The following IL1RAPL2 variants were observed in gnomAD, a reference collection of about 807,000 sequenced individuals.
IL1RAPL2 encodes X-linked interleukin-1 receptor accessory protein-like 2.
In IL1RAPL2, 3 loss-of-function variants were observed where a neutral mutation model predicts 44.1. The observed-to-expected ratio is 0.07, with a 90% CI of 0.03 to 0.18. IL1RAPL2 has a LOEUF of 0.18. IL1RAPL2 is among the 10% of genes least tolerant of loss of function. IL1RAPL2 has a pLI of 1.00. For missense variants in IL1RAPL2, 391 were observed against 496.4 expected (o/e 0.79, Z 2.02); for synonymous variants, 181 against 178.8 (o/e 1.01, Z -0.10).
At chrX:105,448,583 T>C (rs1485965670) in intron 5 of IL1RAPL2, among the ~76,000 whole-genome samples, 1 of 110,744 alleles carries the variant, frequency 9.0e-6, no homozygotes, top group African/African-American at 3.3e-5. Context: ...CAGGCTGGTC[T>C]CAAACTGCTG....
intron 2 of IL1RAPL2, among the ~76,000 whole-genome samples, chrX:104,663,781 G>T (rs1277193724): frequency 9.6e-6 from 1 of 104,636 alleles, no homozygotes; most frequent in Admixed American, 1.1e-4. Context: ...TAATAGGCAG[G>T]GATGAGAGAT....
At chrX:104,701,424 A>G (rs942398635) in intron 2 of IL1RAPL2, among the ~76,000 whole-genome samples, 1 of 111,138 alleles carries the variant, frequency 9.0e-6, no homozygotes, top group Non-Finnish European at 1.9e-5. Context: ...CCCATAGTTC[A>G]TAAAGCACTT....
At chrX:104,658,827 A>G in intron 1 of IL1RAPL2, 68 bp from the exon 2 acceptor site, 3 of 652,502 alleles carry the variant, frequency 4.6e-6, no homozygotes, top group Non-Finnish European at 7.4e-6. Flanking sequence ...ATGTAAAATT[A>G]TAGGTGTGGT....
intron 2 of IL1RAPL2, among the ~76,000 whole-genome samples, chrX:104,913,459 T>A (rs1404646580): frequency 1.8e-5 from 2 of 111,856 alleles, no homozygotes; most frequent in East Asian, 5.6e-4. Flanking sequence ...AAGGGGTATG[T>A]TCTGTTTTGT....
intron 2 of IL1RAPL2, among the ~76,000 whole-genome samples, chrX:105,066,590 A>G (rs1183252878): frequency 9.0e-6 from 1 of 111,574 alleles, no homozygotes; most frequent in African/African-American, 3.3e-5. Context: ...AAAAAATACC[A>G]ATGTGGCTTG....
intron 1 of IL1RAPL2, chrX:104,647,682 A>G: frequency 1.8e-6 from 1 of 549,291 alleles, no homozygotes; most frequent in South Asian, 2.3e-5. Flanking sequence ...ATGCTGGTGA[A>G]GATGCAAGGA....
chrX:105,080,756 A>T (rs370487114), intron 2 of IL1RAPL2, among the ~76,000 whole-genome samples: 2 of 111,934 alleles, frequency 1.8e-5, no homozygotes, highest in Non-Finnish European at 3.8e-5. Flanking sequence ...CTGTGAAGAA[A>T]GTCAGTGTTA....
At chrX:105,459,801 C>A (rs1038027979) in intron 5 of IL1RAPL2, among the ~76,000 whole-genome samples, 3 of 111,249 alleles carry the variant, frequency 2.7e-5, no homozygotes, top group Non-Finnish European at 3.8e-5. Flanking sequence ...TTCCAATTTG[C>A]TTTGCTACCC....
At chrX:105,040,527 G>T (rs916594670) in intron 2 of IL1RAPL2, among the ~76,000 whole-genome samples, 4 of 110,393 alleles carry the variant, frequency 3.6e-5, no homozygotes, top group African/African-American at 1.3e-4. Flanking sequence ...CCTTTTGGTT[G>T]GTAAGCTATT....
At chrX:104,644,724 G>A (rs945424136) in intron 1 of IL1RAPL2, among the ~76,000 whole-genome samples, 4 of 110,829 alleles carry the variant, frequency 3.6e-5, no homozygotes, top group African/African-American at 1.3e-4. Flanking sequence ...AGTAAATTCA[G>A]TCTAATCATG....
At chrX:105,220,653 G>T (rs782548481) in intron 3 of IL1RAPL2, 2 of 296,226 alleles carry the variant, frequency 6.8e-6, no homozygotes, top group Non-Finnish European at 1.2e-5. Context: ...CACGCCCGAA[G>T]AGAGAGGAAG....
rs141160913 is a variant in IL1RAPL2, at chrX:104,716,864, C to T, written c.82+57869C>T. The stretch of plus-strand genomic sequence containing the variant: ...TCAACCATTGTATGTGACAGTGTGA[C>T]ACTTCCTCAAAGACCTAAAACAGAA... On this transcript the variant is annotated intron_variant, in intron 2 of 10. Transcript: ENST00000372582. 1.4e-3 allele frequency among the ~76,000 whole-genome samples: 154 copies of T among 111,996 alleles called. 1 individual carries two copies. The Middle Eastern group carries it at 0.014, about 10-fold the overall frequency.
chrX:104,966,924 C>T (rs1419149960), intron 2 of IL1RAPL2, among the ~76,000 whole-genome samples: 2 of 112,300 alleles, frequency 1.8e-5, no homozygotes, highest in Non-Finnish European at 3.8e-5. Context: ...ACAAAATCTA[C>T]TTTTGCTAAT....
chrX:105,219,306 G>A, intron 3 of IL1RAPL2: 1 of 1,211,180 alleles, frequency 8.3e-7, no homozygotes, highest in Non-Finnish European at 1.1e-6. Flanking sequence ...ATGAGGCAGG[G>A]AGCTGGACAG....
rs2038677569 is a variant in IL1RAPL2, at chrX:105,760,443, C to T, written c.1363+5096C>T. On this transcript the variant is annotated intron_variant, in intron 10 of 10. Transcript: ENST00000372582. Reference sequence around the variant, plus strand: ...GGAGGGTATTTTGCAGGTTTGCTTTCTTTGCTACTCTCCACTTTATGTTTC... The same window carrying T: ...GGAGGGTATTTTGCAGGTTTGCTTTTTTTGCTACTCTCCACTTTATGTTTC... 2.7e-5 allele frequency among the ~76,000 whole-genome samples: 3 copies of T among 111,841 alleles called. No homozygotes were observed. In the Admixed American group the frequency reaches 2.8e-4, roughly 11 times the overall value.
chrX:105,187,808 C>T (rs2033602280), intron 2 of IL1RAPL2, among the ~76,000 whole-genome samples: 1 of 111,264 alleles, frequency 9.0e-6, no homozygotes, highest in Admixed American at 9.6e-5. Flanking sequence ...ATCTATTGCA[C>T]AGCATAGGAG....
At chrX:105,714,965 C>A (rs1366056478) in intron 6 of IL1RAPL2, among the ~76,000 whole-genome samples, 1 of 111,920 alleles carries the variant, frequency 8.9e-6, no homozygotes, top group Non-Finnish European at 1.9e-5. Flanking sequence ...TCGTTAACTT[C>A]ATTATTACCA....
At chrX:104,878,939 A>G (rs781504797) in intron 2 of IL1RAPL2, among the ~76,000 whole-genome samples, 16 of 111,179 alleles carry the variant, frequency 1.4e-4, no homozygotes, top group Non-Finnish European at 2.5e-4. Flanking sequence ...CAAGGGAAAT[A>G]TGGAAGAGGA....
At chrX:104,770,876 ATCT>A (rs1450902841) in intron 2 of IL1RAPL2, among the ~76,000 whole-genome samples, 1 of 111,490 alleles carries the variant, frequency 9.0e-6, no homozygotes, top group Non-Finnish European at 1.9e-5. Context: ...ATTTTTCCTG[ATCT>A]TCTCCTTCCT....
Sources: allele counts gnomAD v4.1 joint callset (sites outside exome capture counted in the v4.1 genomes callset), GRCh38; gene constraint gnomAD v4.1.1; transcripts MANE v1.5; gene names NCBI Gene and HGNC (gene_info 2026-07-23, HGNC 2026-07-21).